The following KCNIP4 variants were observed in gnomAD, a reference collection of about 807,000 sequenced individuals.
KCNIP4 encodes potassium voltage-gated channel interacting protein 4, also known as Kv channel-interacting protein 4.
A neutral mutation model predicts 34.0 loss-of-function variants in KCNIP4; 12 were observed. The ratio of observed to expected loss-of-function variants is 0.35; its 90% CI spans 0.23 to 0.57. The LOEUF (loss-of-function observed/expected upper bound fraction) is 0.57, where lower values mean the gene tolerates loss of function less well. Ranked by LOEUF, KCNIP4 falls within the 20% of genes least tolerant of loss-of-function variation. KCNIP4 has a pLI of 0.83. For missense variants in KCNIP4, 238 were observed against 311.7 expected (o/e 0.76, Z 1.78); for synonymous variants, 124 against 102.2 (o/e 1.21, Z -1.29).
chr4:21,444,656 C>T (rs1054644934), intron 1 of KCNIP4, among the ~76,000 whole-genome samples: 32 of 152,138 alleles, frequency 2.1e-4, no homozygotes, highest in Non-Finnish European at 4.7e-4. Flanking sequence ...ATGATAACCC[C>T]ATAGCCAATA....
chr4:21,743,704 T>C (rs868221193), intron 1 of KCNIP4, among the ~76,000 whole-genome samples: 3 of 151,524 alleles, frequency 2.0e-5, no homozygotes, highest in South Asian at 2.1e-4. Context: ...TTTAAAAATA[T>C]TATAATTCAA....
intron 2 of KCNIP4, among the ~76,000 whole-genome samples, chr4:20,857,608 T>C (rs1409905685): frequency 6.6e-6 from 1 of 152,130 alleles, no homozygotes; most frequent in Non-Finnish European, 1.5e-5. Context: ...TTTCCATATA[T>C]ATGCATAGGG....
chr4:21,187,186 G>T (rs908189202), intron 1 of KCNIP4, among the ~76,000 whole-genome samples: 1 of 152,082 alleles, frequency 6.6e-6, no homozygotes, highest in East Asian at 1.9e-4. Flanking sequence ...CATTCACATA[G>T]GCTATGGTCC....
At chr4:20,983,015 T>C (rs1228912013) in intron 1 of KCNIP4, among the ~76,000 whole-genome samples, 1 of 152,230 alleles carries the variant, frequency 6.6e-6, no homozygotes, top group African/African-American at 2.4e-5. Context: ...AAGGCTATTA[T>C]TTTAGTAAAA....
At chr4:21,878,296 T>C (rs1427400734) in intron 1 of KCNIP4, among the ~76,000 whole-genome samples, 1 of 152,062 alleles carries the variant, frequency 6.6e-6, no homozygotes, top group East Asian at 1.9e-4. Flanking sequence ...GGCTGGTCTC[T>C]AACTCCTAAT....
chr4:21,168,995 C>A (rs1419783160), intron 1 of KCNIP4, among the ~76,000 whole-genome samples: 1 of 152,148 alleles, frequency 6.6e-6, no homozygotes, highest in Non-Finnish European at 1.5e-5. Context: ...CATGAAACAG[C>A]TAAACTACTT....
chr4:20,935,935 T>A (rs145004202), intron 1 of KCNIP4, among the ~76,000 whole-genome samples: 4 of 152,332 alleles, frequency 2.6e-5, no homozygotes, highest in East Asian at 1.9e-4. Context: ...TATCTGATAG[T>A]GTTTAGGCAC....
intron 1 of KCNIP4, among the ~76,000 whole-genome samples, chr4:21,434,258 A>T (rs1295233161): frequency 6.6e-6 from 1 of 152,222 alleles, no homozygotes; most frequent in Admixed American, 6.5e-5. Context: ...AAGGATACTG[A>T]TAAAATTCCT....
chr4:21,273,783 T>C (rs1373788180), intron 1 of KCNIP4, among the ~76,000 whole-genome samples: 1 of 152,168 alleles, frequency 6.6e-6, no homozygotes, highest in Non-Finnish European at 1.5e-5. Flanking sequence ...GGTGGATCAC[T>C]CGTTTCTATA....
At chr4:21,095,035 A>AAATAGG (rs1378192443) in intron 1 of KCNIP4, among the ~76,000 whole-genome samples, 1 of 152,226 alleles carries the variant, frequency 6.6e-6, no homozygotes, top group Non-Finnish European at 1.5e-5. Flanking sequence ...AGAAATGCTA[A>AAATAGG]AATTCAGAAA....
In KCNIP4 at chr4:20,729,997, A is replaced by G; in HGVS notation, c.*85T>C. ...ATATGCTTCAGTGTCAAGCTGAGCA[A>G]TCTATGCTAAAAGTGGTAGCTCCAA... On this transcript the variant is annotated 3_prime_UTR_variant, in exon 9 of 9. Coordinates refer to ENST00000382152, the MANE Select transcript of KCNIP4 (RefSeq NM_025221.6). The G allele has an allele frequency of 4.8e-6, 7 of 1,467,562 alleles. No homozygotes were observed. In the East Asian group the frequency reaches 7.2e-5, roughly 15 times the overall value. 90.9% of individuals were successfully genotyped at this position (1,467,562 alleles called of 1,614,324 possible).
At chr4:21,381,186 C>T (rs180867217) in intron 1 of KCNIP4, among the ~76,000 whole-genome samples, 3 of 152,278 alleles carry the variant, frequency 2.0e-5, no homozygotes, top group Admixed American at 6.5e-5. Flanking sequence ...TCCAGTTACC[C>T]CACTGGCTTT....
chr4:20,847,860 T>A (rs140071665), intron 3 of KCNIP4, among the ~76,000 whole-genome samples: 4 of 152,292 alleles, frequency 2.6e-5, no homozygotes, highest in African/African-American at 9.6e-5. Flanking sequence ...GTTTTAATAG[T>A]TTCATTAAAA....
rs1342430103 is a variant in KCNIP4 at position 21,291,928 on chromosome 4, AAAGAAAG to A, written c.62-409226_62-409220del. ...GAAAGAAAGAAAGAAAGAAAGAAAG[AAAGAAAG>A]AAAAAAAAAGAAAAAAGTCTGATGA... On this transcript the variant is annotated intron_variant, in intron 1 of 8. Transcript: ENST00000382152. 3.0e-3 allele frequency among the ~76,000 whole-genome samples: 275 copies of A among 90,668 alleles called. 8 individuals are homozygous for A. Among genetic ancestry groups the A allele is most frequent in the African/African-American group, 6.3e-3 (85 of 13,418 alleles). 59.5% of individuals were successfully genotyped at this position (90,668 alleles called of 152,430 possible). A position where few individuals can be genotyped will look rare whatever the true frequency, so the allele number is the denominator to read the frequency against.
intron 1 of KCNIP4, among the ~76,000 whole-genome samples, chr4:21,077,924 A>G (rs1745646058): frequency 6.6e-6 from 1 of 152,114 alleles, no homozygotes; most frequent in Admixed American, 6.6e-5. Context: ...GGCACTTAAC[A>G]AGACCTGGGT....
intron 3 of KCNIP4, among the ~76,000 whole-genome samples, chr4:20,819,976 G>T (rs1395100167): frequency 6.6e-6 from 1 of 152,176 alleles, no homozygotes; most frequent in African/African-American, 2.4e-5. Flanking sequence ...TATAGCACCA[G>T]GAACTGCTGG....
intron 1 of KCNIP4, among the ~76,000 whole-genome samples, chr4:21,095,621 A>G (rs897124962): frequency 9.3e-6 from 1 of 107,620 alleles, no homozygotes; most frequent in Non-Finnish European, 2.1e-5. Flanking sequence ...TGCAAATGCT[A>G]TGTTTCATTA....
chr4:21,335,377 C>T (rs1716073103), intron 1 of KCNIP4, among the ~76,000 whole-genome samples: 1 of 152,022 alleles, frequency 6.6e-6, no homozygotes, highest in Non-Finnish European at 1.5e-5. Flanking sequence ...GGATTATCTC[C>T]CTTGCCCCTG....
At chr4:21,134,953 A>T (rs1376817989) in intron 1 of KCNIP4, among the ~76,000 whole-genome samples, 1 of 152,250 alleles carries the variant, frequency 6.6e-6, no homozygotes, top group African/African-American at 2.4e-5. Flanking sequence ...TGATGGCACC[A>T]GGAGACAAGG....
Sources: gnomAD v4.1 joint callset for allele counts (sites outside exome capture counted in the v4.1 genomes callset) on GRCh38, gnomAD v4.1.1 for gene constraint, MANE v1.5 for transcripts, NCBI Gene and HGNC (gene_info 2026-07-23, HGNC 2026-07-21) for gene names.